Variants in ZNRF1 observed in about 807,000 individuals in gnomAD.
ZNRF1 encodes the protein zinc and ring finger 1, also known as E3 ubiquitin-protein ligase ZNRF1.
In ZNRF1, 3 loss-of-function variants were observed where a neutral mutation model predicts 18.4. That is an observed-to-expected ratio of 0.16 (90% CI 0.07 to 0.42). The LOEUF (loss-of-function observed/expected upper bound fraction) is 0.42. Among genes scored for constraint, ZNRF1 ranks in the 10% least tolerant of loss-of-function variants. ZNRF1 has a pLI of 0.99. For missense variants in ZNRF1, 310 were observed against 329.8 expected (o/e 0.94, Z 0.47); for synonymous variants, 157 against 144.2 (o/e 1.09, Z -0.64).
intron 1 of ZNRF1, among the ~76,000 whole-genome samples, chr16:75,031,808 A>T (rs2035308223): frequency 1.3e-5 from 2 of 152,040 alleles, no homozygotes; most frequent in Admixed American, 6.6e-5. Flanking sequence ...GGCTATATAT[A>T]CCTACGAGTA....
intron 2 of ZNRF1, among the ~76,000 whole-genome samples, chr16:75,096,175 A>G (rs1381387699): frequency 6.6e-6 from 1 of 151,824 alleles, no homozygotes; most frequent in Non-Finnish European, 1.5e-5. Flanking sequence ...AAGAGAGGCC[A>G]GTTGTCTCCA....
At chr16:75,100,874 T>C (rs2036247209) in intron 2 of ZNRF1, among the ~76,000 whole-genome samples, 2 of 152,192 alleles carry the variant, frequency 1.3e-5, no homozygotes, top group South Asian at 4.1e-4. Flanking sequence ...CTGTTTTTCC[T>C]CCCATCTCTG....
At chr16:75,089,073 T>G (rs1597904637) in intron 1 of ZNRF1, among the ~76,000 whole-genome samples, 1 of 152,094 alleles carries the variant, frequency 6.6e-6, no homozygotes, top group African/African-American at 2.4e-5. Flanking sequence ...ATCATGTGAT[T>G]TCCCACTCGC....
At chr16:75,083,350 G>A (rs1263660270) in intron 1 of ZNRF1, among the ~76,000 whole-genome samples, 1 of 152,184 alleles carries the variant, frequency 6.6e-6, no homozygotes, top group Admixed American at 6.5e-5. Flanking sequence ...TAAGTAGTTG[G>A]TACAAGGCCA....
chr16:75,011,657 G>T (rs543848300), intron 1 of ZNRF1, among the ~76,000 whole-genome samples: 1 of 152,322 alleles, frequency 6.6e-6, no homozygotes, highest in African/African-American at 2.4e-5. Context: ...TGCCATTGCA[G>T]CCAGTGCCCT....
chr16:75,001,545 A>G (rs2034849555), intron 1 of ZNRF1, among the ~76,000 whole-genome samples: 1 of 152,222 alleles, frequency 6.6e-6, no homozygotes, highest in East Asian at 1.9e-4. Context: ...TTTGATCAAA[A>G]TTAGGCATTT....
chr16:75,036,108 A>G (rs1415411406), intron 1 of ZNRF1, among the ~76,000 whole-genome samples: 1 of 152,048 alleles, frequency 6.6e-6, no homozygotes, highest in African/African-American at 2.4e-5. Flanking sequence ...TCCTCTGCTC[A>G]TGTTTTACTA....
Position 75,041,515 on chromosome 16 carries a change from C to G in ZNRF1, c.424+41420C>G, listed in dbSNP as rs568404518. Among the ~76,000 whole-genome samples the G allele has an allele frequency of 5.3e-5, 8 of 151,602 alleles. No homozygotes were observed. The South Asian group carries it at 8.4e-4, about 16-fold the overall frequency. On this transcript the variant is annotated intron_variant, in intron 1 of 4. Coordinates refer to ENST00000335325, the MANE Select transcript of ZNRF1 (RefSeq NM_032268.5). ...CGGCTAATTTTTGTATTTTTTGTTA[C>G]AGATGGGGTTTCACCATGTTGGCCA...
At chr16:75,093,826 G>A (rs1363291332) in intron 2 of ZNRF1, among the ~76,000 whole-genome samples, 159 bp downstream of exon 2, 2 of 152,202 alleles carry the variant, frequency 1.3e-5, no homozygotes, top group African/African-American at 4.8e-5. Flanking sequence ...ACTGTTCTGG[G>A]AGCCTTGCTG....
intron 1 of ZNRF1, among the ~76,000 whole-genome samples, chr16:75,078,832 A>G (rs540072518): frequency 1.2e-3 from 183 of 152,350 alleles, no homozygotes; most frequent in Non-Finnish European, 2.1e-3. Flanking sequence ...GTCCACTGAC[A>G]TATACTTGGT....
chr16:75,056,375 C>T (rs947844743), intron 1 of ZNRF1, among the ~76,000 whole-genome samples: 14 of 152,124 alleles, frequency 9.2e-5, no homozygotes, highest in African/African-American at 3.1e-4. Flanking sequence ...GACAGTACTG[C>T]TCATAAGTTC....
chr16:75,026,574 C>G (rs1176560615), intron 1 of ZNRF1, among the ~76,000 whole-genome samples: 1 of 152,100 alleles, frequency 6.6e-6, no homozygotes, highest in Non-Finnish European at 1.5e-5. Flanking sequence ...CTTTTGCTTT[C>G]ATAGCAGTTT....
chr16:75,033,583 C>T (rs2035336228), intron 1 of ZNRF1, among the ~76,000 whole-genome samples: 1 of 151,958 alleles, frequency 6.6e-6, no homozygotes, highest in East Asian at 1.9e-4. Flanking sequence ...AGATTACAGG[C>T]ACACCACCAT....
intron 1 of ZNRF1, among the ~76,000 whole-genome samples, chr16:75,036,311 A>G (rs2035375250): frequency 6.6e-6 from 1 of 151,964 alleles, no homozygotes; most frequent in South Asian, 2.1e-4. Context: ...TGTATTTTTT[A>G]GTAGAGATGG....
intron 1 of ZNRF1, among the ~76,000 whole-genome samples, chr16:75,068,997 A>G (rs1283183410): frequency 6.6e-6 from 1 of 152,018 alleles, no homozygotes; most frequent in Non-Finnish European, 1.5e-5. Flanking sequence ...AATGGATGGA[A>G]TCAAGCTGAT....
chr16:75,094,600 A>G (rs1394107861), intron 2 of ZNRF1, among the ~76,000 whole-genome samples: 2 of 152,340 alleles, frequency 1.3e-5, no homozygotes, highest in South Asian at 4.1e-4. Flanking sequence ...GAGATGGCAC[A>G]TAAAGGCCTT....
chr16:75,068,188 TAA>T (rs57755915), intron 1 of ZNRF1, among the ~76,000 whole-genome samples: 1,799 of 88,936 alleles, frequency 0.02, 27 homozygotes, highest in African/African-American at 0.039. Context: ...GACCTTGTCT[TAA>T]AAAAAAAAAA....
chr16:75,051,566 A>G (rs1206651767), intron 1 of ZNRF1, among the ~76,000 whole-genome samples: 1 of 142,782 alleles, frequency 7.0e-6, no homozygotes, highest in Non-Finnish European at 1.5e-5. Context: ...CTCCCAGGCT[A>G]GAGTGCAGTG....
chr16:75,039,343 A>G (rs2035413009), intron 1 of ZNRF1, among the ~76,000 whole-genome samples: 1 of 152,100 alleles, frequency 6.6e-6, no homozygotes, highest in African/African-American at 2.4e-5. Context: ...CTTTCCTGCA[A>G]ATTGCTTTAT....
Sources: allele counts gnomAD v4.1 joint callset (sites outside exome capture counted in the v4.1 genomes callset), GRCh38; gene constraint gnomAD v4.1.1; transcripts MANE v1.5; gene names NCBI Gene and HGNC (gene_info 2026-07-23, HGNC 2026-07-21).